The following GANC variants were observed in gnomAD, a reference collection of about 807,000 sequenced individuals.
GANC encodes the protein glucosidase alpha, neutral C, also known as neutral alpha-glucosidase C.
Under a neutral mutation model 124.2 loss-of-function variants are expected in GANC, and 117 were observed. That is an observed-to-expected ratio of 0.94 (90% CI 0.81 to 1.10). The LOEUF (loss-of-function observed/expected upper bound fraction) is 1.10. GANC is among the 50% of genes least tolerant of loss of function. GANC has a pLI of 0.00. For missense variants in GANC, 1,140 were observed against 1,095.0 expected (o/e 1.04, Z -0.58); for synonymous variants, 377 against 376.8 (o/e 1.00, Z -0.01).
intron 17 of GANC, among the ~76,000 whole-genome samples, chr15:42,340,434 C>G (rs2052320494): frequency 6.6e-6 from 1 of 152,036 alleles, no homozygotes; most frequent in African/African-American, 2.4e-5. Context: ...TGATGAAACC[C>G]TGTCTCTAAA....
At chr15:42,331,988 A>G (rs1197841916) in intron 15 of GANC, among the ~76,000 whole-genome samples, 4 of 152,172 alleles carry the variant, frequency 2.6e-5, no homozygotes, top group African/African-American at 2.4e-5. Context: ...ATATGTTCAT[A>G]TAATCAAATC....
At position 42,274,476 on chromosome 15, in the gene GANC, G is replaced by A. The variant is rs2051633320; in HGVS notation, c.-6G>A. On this transcript the variant is annotated 5_prime_UTR_variant, in exon 1 of 24. Coordinates refer to ENST00000318010, the MANE Select transcript of GANC (RefSeq NM_198141.3). ...GCTGGGAGCTGGTCGGAGTGACAGA[G>A]AAGCCATGGAAGCAGCAGTGAAAGA... 1 of 1,610,376 alleles carries A rather than the reference G, an allele frequency of 6.2e-7. No homozygotes were observed. Among genetic ancestry groups the A allele is most frequent in the Non-Finnish European group, 8.5e-7 (1 of 1,178,580 alleles).
intron 22 of GANC, among the ~76,000 whole-genome samples, chr15:42,349,798 A>C (rs1192215363): frequency 6.6e-6 from 1 of 150,826 alleles, no homozygotes; most frequent in South Asian, 2.1e-4. Flanking sequence ...ACAGGCATGC[A>C]CCAACATACC....
chr15:42,350,971 G>C (rs556897401), intron 22 of GANC, among the ~76,000 whole-genome samples: 5 of 151,296 alleles, frequency 3.3e-5, no homozygotes, highest in African/African-American at 1.2e-4. Context: ...TCCCAGGTTC[G>C]GGGGATTCTC....
Position 42,343,058 on chromosome 15 carries a change from A to G in GANC, c.2153-20A>G. Reference sequence around the variant, plus strand: ...ACCTCTTATAATGATACTCAACTTTATTTCCTCTCCATTACTTAGGGAGTG... The same window carrying G: ...ACCTCTTATAATGATACTCAACTTTGTTTCCTCTCCATTACTTAGGGAGTG... On this transcript the variant is annotated intron_variant, in intron 18 of 23. Transcript: ENST00000318010. The G allele has an allele frequency of 1.2e-6, 2 of 1,604,350 alleles. No individual in the cohort carries two copies. The highest frequency in any genetic ancestry group is 1.7e-6 in the Non-Finnish European group (2 of 1,171,272).
chr15:42,295,872 T>C (rs960276808), intron 5 of GANC, among the ~76,000 whole-genome samples: 1 of 152,128 alleles, frequency 6.6e-6, no homozygotes, highest in African/African-American at 2.4e-5. Context: ...CTGGGCACAA[T>C]GGCTCATGGC....
At chr15:42,300,235 T>C (rs563260062) in intron 6 of GANC, among the ~76,000 whole-genome samples, 1 of 152,170 alleles carries the variant, frequency 6.6e-6, no homozygotes, top group African/African-American at 2.4e-5. Flanking sequence ...ATCCAGAATT[T>C]ACAAGGAACC....
At position 42,338,475 on chromosome 15, in the gene GANC, A is replaced by G. The variant is rs117899880; in HGVS notation, c.1828A>G (p.Ile610Val). Reference protein sequence around the residue: ...PMLLTLSITGISFCGADIGGF... With the variant: ...PMLLTLSITGVSFCGADIGGF... Reference sequence around the variant, plus strand: ...GTTACTCACTCTCAGCATTACTGGGATCTCTTTTTGCGGAGGTAAGATGAG... The same window carrying G: ...GTTACTCACTCTCAGCATTACTGGGGTCTCTTTTTGCGGAGGTAAGATGAG... Residue 610 changes from isoleucine (I) to valine (V), a missense_variant, in exon 16 of 24, where the codon ATC becomes GTC. Ile to Val is a conservative substitution (Grantham distance 29, BLOSUM62 3). Coordinates refer to ENST00000318010, the MANE Select transcript of GANC (RefSeq NM_198141.3). The G allele has an allele frequency of 7.4e-3, 11,884 of 1,613,122 alleles. 66 individuals carry two copies. The highest frequency in any genetic ancestry group is 9.2e-3 in the Non-Finnish European group (10,832 of 1,179,146).
At position 42,273,469 on chromosome 15, in the gene GANC, T is replaced by C; in HGVS notation, c.-1013T>C. The C allele has an allele frequency of 1.3e-6, 2 of 1,598,368 alleles. No individual in the cohort carries two copies. Among genetic ancestry groups the C allele is most frequent in the Non-Finnish European group, 1.7e-6 (2 of 1,173,784 alleles). On this transcript the variant is annotated 5_prime_UTR_variant, in exon 1 of 24. Transcript: ENST00000318010. ...GGTTCGTCCCGCCTTCTTCCGGCTC[T>C]GCTCTAAGGGCGGGATTATCCGGGT...
At chr15:42,301,423 C>G (rs2051944928) in intron 6 of GANC, among the ~76,000 whole-genome samples, 1 of 152,034 alleles carries the variant, frequency 6.6e-6, no homozygotes, top group Non-Finnish European at 1.5e-5. Flanking sequence ...AACTGGGTGG[C>G]TGTTTGGGCA....
At chr15:42,334,574 T>A (rs182386263) in intron 15 of GANC, among the ~76,000 whole-genome samples, 1 of 152,226 alleles carries the variant, frequency 6.6e-6, no homozygotes, top group East Asian at 1.9e-4. Flanking sequence ...AATTTAAAAA[T>A]GTCTGCCCTT....
At chr15:42,276,050 C>A (rs1338561469) in intron 1 of GANC, among the ~76,000 whole-genome samples, 2 of 152,132 alleles carry the variant, frequency 1.3e-5, no homozygotes, top group Non-Finnish European at 2.9e-5. Flanking sequence ...GTGGTCATAG[C>A]CTTCAGTCAT....
chr15:42,323,701 C>T (rs145667410), intron 11 of GANC, among the ~76,000 whole-genome samples: 3 of 152,182 alleles, frequency 2.0e-5, no homozygotes, highest in Non-Finnish European at 4.4e-5. Context: ...TGGGGTTTCA[C>T]CATGTTAGCC....
chr15:42,342,577 G>C (rs1179298551), intron 18 of GANC, among the ~76,000 whole-genome samples: 1 of 150,940 alleles, frequency 6.6e-6, no homozygotes, highest in Non-Finnish European at 1.5e-5. Context: ...GTGAGACCCT[G>C]TCTCCTGTCT....
intron 21 of GANC, 140 bp from the exon 22 acceptor site, chr15:42,349,243 G>A (rs927292102): frequency 4.9e-6 from 3 of 617,318 alleles, no homozygotes; most frequent in African/African-American, 3.7e-5. Flanking sequence ...TATTGAATAT[G>A]TTAGGTATTT....
intron 10 of GANC, chr15:42,314,486 T>C (rs1176398982): frequency 1.9e-5 from 5 of 266,202 alleles, no homozygotes. Context: ...CTTGGGTGGC[T>C]GTTTCACTTG....
intron 3 of GANC, among the ~76,000 whole-genome samples, chr15:42,286,194 A>G (rs547182549): frequency 7.2e-5 from 11 of 152,236 alleles, no homozygotes; most frequent in Admixed American, 1.3e-4. Flanking sequence ...TTAAATCTCT[A>G]TTCCTCTAGA....
At chr15:42,327,272 C>A in intron 12 of GANC, 91 bp from the exon 13 acceptor site, 1 of 948,114 alleles carries the variant, frequency 1.1e-6, no homozygotes, top group Non-Finnish European at 1.6e-6. Context: ...GTGCCCATTT[C>A]CCAGCTCTCA....
chr15:42,314,816 A>G (rs1338875497), intron 10 of GANC: 1 of 152,284 alleles, frequency 6.6e-6, no homozygotes, highest in Non-Finnish European at 1.5e-5. Context: ...CCCAGAATAA[A>G]TATTGTGGCC....
Sources: allele counts gnomAD v4.1 joint callset (sites outside exome capture counted in the v4.1 genomes callset), GRCh38; gene constraint gnomAD v4.1.1; transcripts MANE v1.5; gene names NCBI Gene and HGNC (gene_info 2026-07-23, HGNC 2026-07-21).